CPSF4L: variants seen among roughly 807,000 people sequenced by gnomAD.
CPSF4L encodes the protein cleavage and polyadenylation specific factor 4 like, also known as putative cleavage and polyadenylation specificity factor subunit 4-like protein.
CPSF4L carries 18 observed loss-of-function variants against 24.0 expected under a neutral mutation model. That is an observed-to-expected ratio of 0.75 (90% CI 0.52 to 1.11). The LOEUF (loss-of-function observed/expected upper bound fraction) is 1.11, where lower values mean the gene tolerates loss of function less well. Ranked by LOEUF, CPSF4L falls within the 50% of genes least tolerant of loss-of-function variation. CPSF4L has a pLI of 0.00. For synonymous variants in CPSF4L, 72 were observed against 77.2 expected, an observed-to-expected ratio of 0.93 and a Z score of 0.35; for missense variants, 211 against 221.8, an observed-to-expected ratio of 0.95 and a Z score of 0.31.
upstream of CPSF4L, chr17:73,262,083 G>A: frequency 2.2e-6 from 1 of 460,144 alleles, no homozygotes; most frequent in South Asian, 3.2e-5. Context: ...ACTCGGATAG[G>A]GAGGGATTCG....
At chr17:73,263,459 C>T (rs538463333), upstream of CPSF4L, among the ~76,000 whole-genome samples, 1 of 152,268 alleles carries the variant, frequency 6.6e-6, no homozygotes, top group Admixed American at 6.5e-5. Context: ...GAAGGGGTAG[C>T]AGGCAGAGCT....
At position 73,252,707 on chromosome 17, in the gene CPSF4L, G is replaced by A; in HGVS notation, c.420C>T (p.Tyr140=). 1.3e-6 allele frequency: 2 copies of A among 1,550,550 alleles called. No individual in the cohort carries two copies. The highest frequency in any genetic ancestry group is 1.2e-5 in the South Asian group (1 of 83,894). Reference sequence around the variant, plus strand: ...GACACATTATTCTGGGGACATGGCGGTATTTACACAGAGGACCTGCTGAGC... The same window carrying A: ...GACACATTATTCTGGGGACATGGCGATATTTACACAGAGGACCTGCTGAGC... The part of the protein sequence containing the change: ...GFCKDGPLCK[Y]RHVPRIMCLN... Residue 140 remains tyrosine (Y), a synonymous_variant, in exon 5 of 6, where the codon TAC becomes TAT. Transcript: ENST00000344935.
chr17:73,247,172 A>T, downstream of CPSF4L: 1 of 1,389,538 alleles, frequency 7.2e-7, no homozygotes, highest in Non-Finnish European at 1.0e-6. Context: ...ACAACAGCAA[A>T]GTCGAGTAGT....
intron 5 of CPSF4L, chr17:73,250,381 G>A (rs2062000212): frequency 6.6e-6 from 10 of 1,519,374 alleles, no homozygotes; most frequent in Non-Finnish European, 8.0e-6. Context: ...CATAGGAGAT[G>A]GTTAGCTACC....
the CPSF4L span, chr17:73,242,319 C>G: frequency 1.9e-5 from 31 of 1,604,126 alleles, no homozygotes; most frequent in Non-Finnish European, 2.5e-5. Flanking sequence ...TCCAACTTCT[C>G]TCTAATGAGG....
At chr17:73,245,337 T>G (rs2061935297), downstream of CPSF4L, 10 of 1,386,106 alleles carry the variant, frequency 7.2e-6, no homozygotes, top group Non-Finnish European at 7.5e-6. Flanking sequence ...ATTATTGGAA[T>G]CTAAAATAAT....
chr17:73,247,419 C>T, downstream of CPSF4L: 1 of 1,403,672 alleles, frequency 7.1e-7, no homozygotes, highest in Non-Finnish European at 1.0e-6. Context: ...CTGAATTGCC[C>T]TGTAACACCT....
At chr17:73,261,049 C>T (rs1424824935) in intron 1 of CPSF4L, 66 bp from the exon 2 acceptor site, 3 of 1,339,282 alleles carry the variant, frequency 2.2e-6, no homozygotes, top group South Asian at 2.5e-5. Flanking sequence ...CGGAAGCCTC[C>T]ACCTCCATCG....
At chr17:73,243,811 G>A (rs1307735606), downstream of CPSF4L, among the ~76,000 whole-genome samples, 1 of 152,158 alleles carries the variant, frequency 6.6e-6, no homozygotes, top group East Asian at 1.9e-4. Context: ...GGAATTACAG[G>A]CATGAGCCAC....
upstream of CPSF4L, chr17:73,261,921 C>A (rs2062048287): frequency 2.4e-6 from 2 of 834,272 alleles, no homozygotes; most frequent in Admixed American, 2.1e-5. Flanking sequence ...AATGCCTCCC[C>A]CTTCACCCCA....
chr17:73,254,164 G>A (rs1599412430), intron 3 of CPSF4L, 138 bp from the exon 4 acceptor site: 1 of 665,020 alleles, frequency 1.5e-6, no homozygotes. Flanking sequence ...TTTTGAAGAT[G>A]GAAAGTATGC....
upstream of CPSF4L, among the ~76,000 whole-genome samples, chr17:73,262,515 G>A (rs527547969): frequency 1.3e-5 from 2 of 152,310 alleles, no homozygotes; most frequent in East Asian, 1.9e-4. Context: ...AGGCCAGGGC[G>A]GCCTCCCAGC....
At chr17:73,247,175 C>A, downstream of CPSF4L, 1 of 1,404,394 alleles carries the variant, frequency 7.1e-7, no homozygotes, top group South Asian at 1.2e-5. Flanking sequence ...ACAGCAAAGT[C>A]GAGTAGTTGC....
At chr17:73,252,535 T>G (rs1399449051) in intron 5 of CPSF4L, 95 bp downstream of exon 5, 5 of 786,504 alleles carry the variant, frequency 6.4e-6, no homozygotes, top group Non-Finnish European at 4.3e-6. Flanking sequence ...TGCTTCATTT[T>G]CCACTAAGGA....
intron 3 of CPSF4L, among the ~76,000 whole-genome samples, chr17:73,254,833 G>A (rs1038513523): frequency 1.3e-5 from 2 of 152,102 alleles, no homozygotes; most frequent in African/African-American, 4.8e-5. Context: ...TAGTAGAGAT[G>A]GGGTTTCACC....
At chr17:73,244,880 A>C (rs2061922874), downstream of CPSF4L, among the ~76,000 whole-genome samples, 1 of 145,024 alleles carries the variant, frequency 6.9e-6, no homozygotes, top group African/African-American at 2.9e-5. Flanking sequence ...TGAGGAAAAG[A>C]AGTGCCTTTC....
chr17:73,255,242 G>A (rs186302116), intron 3 of CPSF4L, among the ~76,000 whole-genome samples: 16 of 152,118 alleles, frequency 1.1e-4, no homozygotes, highest in African/African-American at 2.9e-4. Context: ...GCTCATGCCT[G>A]TAATCCCAGC....
intron 2 of CPSF4L, among the ~76,000 whole-genome samples, chr17:73,258,096 G>T (rs1302825755): frequency 1.3e-5 from 2 of 150,870 alleles, no homozygotes; most frequent in African/African-American, 4.9e-5. Flanking sequence ...TGCAAGCTCC[G>T]CCTCCTGGGT....
At chr17:73,256,448 G>A (rs757499497) in intron 3 of CPSF4L, among the ~76,000 whole-genome samples, 1 of 152,186 alleles carries the variant, frequency 6.6e-6, no homozygotes, top group Admixed American at 6.5e-5. Flanking sequence ...AGGAGCAGCC[G>A]CTTGGGGGGC....
Sources: allele counts gnomAD v4.1 joint callset (sites outside exome capture counted in the v4.1 genomes callset), GRCh38; gene constraint gnomAD v4.1.1; transcripts MANE v1.5; gene names NCBI Gene and HGNC (gene_info 2026-07-23, HGNC 2026-07-21).